SLC5A12: variants seen among roughly 807,000 people sequenced by gnomAD.
The protein encoded by SLC5A12 is sodium-coupled monocarboxylate transporter 2.
SLC5A12 carries 46 observed loss-of-function variants against 72.7 expected under a neutral mutation model. The ratio of observed to expected loss-of-function variants is 0.63; its 90% CI spans 0.50 to 0.81. The LOEUF is 0.81. Ranked by LOEUF, SLC5A12 falls within the 30% of genes least tolerant of loss-of-function variation. The probability of loss-of-function intolerance (pLI) is 0.00; values close to 1 mark genes in which losing one functional copy is unlikely to be tolerated. For missense variants in SLC5A12, 683 were observed against 740.7 expected, an observed-to-expected ratio of 0.92 and a Z score of 0.90; for synonymous variants, 275 against 264.4, an observed-to-expected ratio of 1.04 and a Z score of -0.39.
chr11:26,720,215 T>C lies in SLC5A12; in HGVS notation c.339+1161A>G, dbSNP rs529216590. Among the ~76,000 whole-genome samples, 39 of 151,998 alleles carry C rather than the reference T, an allele frequency of 2.6e-4. No homozygotes were observed. The South Asian group carries it at 7.7e-3, about 30-fold the overall frequency. ...ACGAGAATGCCTAGAACAAGCTGGG[T>C]GTGGTGGCAAACTTCTGTAGTCCCA... is the stretch of plus-strand genomic sequence containing the variant. On this transcript the variant is annotated intron_variant, in intron 1 of 14. Transcript: ENST00000396005.
Position 26,720,595 on chromosome 11 carries a change from C to T in SLC5A12, c.339+781G>A, listed in dbSNP as rs150997562. On this transcript the variant is annotated intron_variant, in intron 1 of 14. Coordinates refer to ENST00000396005, the MANE Select transcript of SLC5A12 (RefSeq NM_178498.4). ...AAAAAAATAGGTCTCTTTTCAGTCT[C>T]CTGCAGTGACTTTAGGAATGATATT... 6.0e-3 allele frequency among the ~76,000 whole-genome samples: 915 copies of T among 151,990 alleles called. 13 individuals are homozygous for T. In the East Asian group the frequency reaches 0.068, roughly 11 times the overall value.
rs1332303300 is a variant in SLC5A12, at chr11:26,669,060, C to CAT, written c.*2041_*2042insAT. The CAT allele has an allele frequency of 2.7e-5, 3 of 111,328 alleles. No homozygotes were observed. The highest frequency in any genetic ancestry group is 2.3e-5 in the Non-Finnish European group (1 of 44,106). 6.9% of individuals were successfully genotyped at this position (111,328 alleles called of 1,614,324 possible). ...AATCATATTTACATATATATGTGTA[C>CAT]AGATATATATATGTATATGCATATG... is the stretch of plus-strand genomic sequence containing the variant. On this transcript the variant is annotated 3_prime_UTR_variant, in exon 15 of 15. Coordinates refer to ENST00000396005, the MANE Select transcript of SLC5A12 (RefSeq NM_178498.4).
intron 5 of SLC5A12, 24 bp from the exon 6 acceptor site, chr11:26,703,695 G>A (rs998860359): frequency 6.2e-7 from 1 of 1,613,420 alleles, no homozygotes; most frequent in Non-Finnish European, 8.5e-7. Flanking sequence ...AGAAATGAGT[G>A]AACAAAGATA....
chr11:26,713,366 T>C (rs1855276958), intron 1 of SLC5A12, among the ~76,000 whole-genome samples: 1 of 152,138 alleles, frequency 6.6e-6, no homozygotes, highest in African/African-American at 2.4e-5. Context: ...CATTTTGTGC[T>C]TTTTCAGACC....
chr11:26,670,427 G>A lies in SLC5A12; in HGVS notation c.*675C>T, dbSNP rs992292412. On this transcript the variant is annotated 3_prime_UTR_variant, in exon 15 of 15. Coordinates refer to ENST00000396005, the MANE Select transcript of SLC5A12 (RefSeq NM_178498.4). Reference sequence around the variant, plus strand: ...CAGCACAAAAGGAGCAAAGTTTTTAGTTATAATCACTCCCACTAGCCAGAC... The same window carrying A: ...CAGCACAAAAGGAGCAAAGTTTTTAATTATAATCACTCCCACTAGCCAGAC... 1.3e-5 allele frequency: 2 copies of A among 151,942 alleles called. No homozygotes were observed. Among genetic ancestry groups the A allele is most frequent in the Admixed American group, 1.3e-4 (2 of 15,204 alleles). The allele number at this position is 151,942 out of a possible 1,614,324, so 9.4% of individuals were successfully genotyped here.
chr11:26,715,458 T>TA (rs1182774087), intron 1 of SLC5A12, among the ~76,000 whole-genome samples: 2 of 152,128 alleles, frequency 1.3e-5, no homozygotes, highest in African/African-American at 4.8e-5. Context: ...TATTGTCTCT[T>TA]AGAGATCCCC....
chr11:26,681,271 G>A (rs1338953352), intron 11 of SLC5A12, 50 bp from the exon 12 acceptor site: 1 of 1,453,686 alleles, frequency 6.9e-7, no homozygotes, highest in African/African-American at 1.4e-5. Flanking sequence ...AGCTGTCTAT[G>A]GAAAGAATAA....
chr11:26,721,370 T>G lies in SLC5A12; in HGVS notation c.339+6A>C, dbSNP rs1433862529. On this transcript the variant is annotated splice_donor_region_variant and intron_variant, in intron 1 of 14. Coordinates refer to ENST00000396005, the MANE Select transcript of SLC5A12 (RefSeq NM_178498.4). ...AAATTAGAGAAGAATGGAGAAATCA[T>G]CTTACCTCATAAGTGCTGGTGATAC... 2.5e-6 allele frequency: 4 copies of G among 1,577,992 alleles called. No individual in the cohort carries two copies. The South Asian group carries it at 4.7e-5, about 18-fold the overall frequency.
chr11:26,712,616 A>C (rs1855256458), intron 2 of SLC5A12, 25 bp downstream of exon 2: 1 of 1,501,990 alleles, frequency 6.7e-7, no homozygotes, highest in African/African-American at 1.4e-5. Flanking sequence ...CAGTTTCCAC[A>C]TCTGCAGCAG....
rs193087505 is a variant in SLC5A12 at position 26,684,351 on chromosome 11, T to C, written c.1222-508A>G. Among the ~76,000 whole-genome samples the C allele has an allele frequency of 1.5e-3, 235 of 152,240 alleles. 2 individuals carry two copies. The highest frequency in any genetic ancestry group is 2.6e-3 in the African/African-American group (109 of 41,550). On this transcript the variant is annotated intron_variant, in intron 10 of 14. Transcript: ENST00000396005. ...AGCATCAATACTTAAGTTAATATTC[T>C]TGGCATTTCCTCTGCTGACGATAGC...
At chr11:26,687,519 A>G (rs1488644112) in intron 9 of SLC5A12, among the ~76,000 whole-genome samples, 3 of 152,244 alleles carry the variant, frequency 2.0e-5, no homozygotes, top group Admixed American at 6.5e-5. Context: ...CCATAAAGTT[A>G]GAATGTGATT....
At chr11:26,698,570 T>C (rs1343023573) in intron 6 of SLC5A12, 35 bp from the exon 7 acceptor site, 1 of 1,610,700 alleles carries the variant, frequency 6.2e-7, no homozygotes, top group South Asian at 1.1e-5. Context: ...TGGTAGCCTG[T>C]ATACCATATC....
At chr11:26,721,258 A>G in intron 1 of SLC5A12, 118 bp downstream of exon 1, 1 of 783,000 alleles carries the variant, frequency 1.3e-6, no homozygotes, top group Non-Finnish European at 2.0e-6. Flanking sequence ...AAACATTTTA[A>G]TGTCTTTCTC....
chr11:26,701,523 G>A (rs1854957813), intron 6 of SLC5A12, among the ~76,000 whole-genome samples: 1 of 152,094 alleles, frequency 6.6e-6, no homozygotes, highest in African/African-American at 2.4e-5. Flanking sequence ...GCAACTATAG[G>A]AATGGGATTG....
At chr11:26,712,592 A>G (rs759930818) in intron 2 of SLC5A12, 49 bp downstream of exon 2, 1 of 1,395,126 alleles carries the variant, frequency 7.2e-7, no homozygotes, top group South Asian at 1.5e-5. Context: ...ACAAACCTAT[A>G]TCTAGTAACC....
At chr11:26,692,937 G>T (rs1164066375) in intron 8 of SLC5A12, among the ~76,000 whole-genome samples, 1 of 152,166 alleles carries the variant, frequency 6.6e-6, no homozygotes, top group Non-Finnish European at 1.5e-5. Context: ...GTGTGTTCAG[G>T]TTGGAGTGGA....
At chr11:26,692,315 T>C (rs1253164760) in intron 9 of SLC5A12, 174 bp downstream of exon 9, 5 of 591,172 alleles carry the variant, frequency 8.5e-6, no homozygotes, top group Admixed American at 2.9e-5. Context: ...AGTCATTCTT[T>C]CCTGATACCC....
At chr11:26,715,240 C>T (rs1018985354) in intron 1 of SLC5A12, among the ~76,000 whole-genome samples, 2 of 152,136 alleles carry the variant, frequency 1.3e-5, no homozygotes, top group Non-Finnish European at 1.5e-5. Flanking sequence ...AGTTTATTGG[C>T]ATTCCCTGTT....
intron 4 of SLC5A12, among the ~76,000 whole-genome samples, chr11:26,704,616 A>C (rs950628727): frequency 1.3e-5 from 2 of 152,184 alleles, no homozygotes; most frequent in Non-Finnish European, 2.9e-5. Context: ...AGGAAAAGAA[A>C]AGGAGTTGAG....
Sources: allele counts gnomAD v4.1 joint callset (sites outside exome capture counted in the v4.1 genomes callset), GRCh38; gene constraint gnomAD v4.1.1; transcripts MANE v1.5; gene names NCBI Gene and HGNC (gene_info 2026-07-23, HGNC 2026-07-21).